The following RHPN2 variants were observed in gnomAD, a reference collection of about 807,000 sequenced individuals.
RHPN2 encodes the protein rhophilin-2.
RHPN2 carries 40 observed loss-of-function variants against 79.0 expected under a neutral mutation model. That is an observed-to-expected ratio of 0.51 (90% confidence interval 0.39 to 0.66). RHPN2 has a LOEUF of 0.66. Ranked by LOEUF, RHPN2 falls within the 30% of genes least tolerant of loss-of-function variation. RHPN2 has a pLI of 0.00. For missense variants in RHPN2, 686 were observed against 883.5 expected (o/e 0.78, Z 2.83); for synonymous variants, 285 against 363.5 (o/e 0.78, Z 2.46).
chr19:33,032,113 C>A (rs1972018421), intron 2 of RHPN2, among the ~76,000 whole-genome samples: 1 of 149,934 alleles, frequency 6.7e-6, no homozygotes, highest in Admixed American at 6.6e-5. Context: ...CTCCACCTCC[C>A]AGGTTCAAGC....
intron 1 of RHPN2, among the ~76,000 whole-genome samples, chr19:33,058,259 G>C (rs1048401174): frequency 6.6e-6 from 1 of 152,218 alleles, no homozygotes; most frequent in African/African-American, 2.4e-5. Context: ...TCCAGGAAAC[G>C]AGACCTGCTG....
chr19:33,055,718 A>T (rs2145271702), intron 1 of RHPN2, among the ~76,000 whole-genome samples: 1 of 143,262 alleles, frequency 7.0e-6, no homozygotes, highest in African/African-American at 2.7e-5. Context: ...AGAAGACTGC[A>T]AGGAGCTTCT....
intron 1 of RHPN2, among the ~76,000 whole-genome samples, chr19:33,051,359 G>C (rs1255170125): frequency 6.6e-6 from 1 of 152,170 alleles, no homozygotes; most frequent in Non-Finnish European, 1.5e-5. Flanking sequence ...TCACCTGTAA[G>C]ACACGTATTT....
chr19:32,990,514 C>G lies in RHPN2; in HGVS notation c.1800G>C (p.Met600Ile). 2 of 1,613,774 alleles carry G rather than the reference C, an allele frequency of 1.2e-6. No individual in the cohort carries two copies. Among genetic ancestry groups the G allele is most frequent in the Non-Finnish European group, 1.7e-6 (2 of 1,179,838 alleles). Reference sequence around the variant, plus strand: ...TGCCCAGGGAGGTGTCAGCGCTCACCATGGATGATGTGGAGTCCAGGAGGC... The same window carrying G: ...TGCCCAGGGAGGTGTCAGCGCTCACGATGGATGATGTGGAGTCCAGGAGGC... ...VVSLLDSTSS[M>I]HNKSATYSVG... Residue 600 changes from methionine to isoleucine, a missense_variant and splice_region_variant, in exon 14 of 15, where the codon ATG becomes ATC. Met to Ile is a conservative substitution (Grantham distance 10, BLOSUM62 1). Coordinates refer to ENST00000254260, the MANE Select transcript of RHPN2 (RefSeq NM_033103.5).
At chr19:33,042,004 G>A (rs1972104160) in intron 2 of RHPN2, among the ~76,000 whole-genome samples, 1 of 151,946 alleles carries the variant, frequency 6.6e-6, no homozygotes, top group Non-Finnish European at 1.5e-5. Context: ...GCAACACGGT[G>A]AAACCCTGTC....
At chr19:33,047,510 G>A (rs549304860) in intron 1 of RHPN2, among the ~76,000 whole-genome samples, 5 of 152,198 alleles carry the variant, frequency 3.3e-5, no homozygotes, top group East Asian at 3.9e-4. Context: ...CCTCTTTGCC[G>A]CTTATCTCTA....
chr19:33,036,878 G>GGGCCCCCCCCCCC (rs1972061925), intron 2 of RHPN2, among the ~76,000 whole-genome samples: 1 of 148,556 alleles, frequency 6.7e-6, no homozygotes, highest in African/African-American at 2.6e-5. Flanking sequence ...GAGCCCCCCC[G>GGGCCCCCCCCCCC]CCACCCTCTG....
At chr19:32,986,310 G>A (rs1326452607) in intron 14 of RHPN2, among the ~76,000 whole-genome samples, 1 of 152,192 alleles carries the variant, frequency 6.6e-6, no homozygotes, top group Non-Finnish European at 1.5e-5. Flanking sequence ...TGCTGATGGG[G>A]TCCCTACTCC....
At chr19:32,996,954 G>A (rs188154913) in intron 10 of RHPN2, among the ~76,000 whole-genome samples, 1 of 152,188 alleles carries the variant, frequency 6.6e-6, no homozygotes, top group Admixed American at 6.5e-5. Flanking sequence ...GGAGTACAGT[G>A]GTGCAATCAT....
At chr19:33,046,904 G>C (rs1972147325) in intron 1 of RHPN2, among the ~76,000 whole-genome samples, 1 of 151,890 alleles carries the variant, frequency 6.6e-6, no homozygotes, top group Non-Finnish European at 1.5e-5. Context: ...ACCCAGACTG[G>C]ACTGCTGCAG....
At chr19:33,046,329 G>C (rs930302897) in intron 1 of RHPN2, among the ~76,000 whole-genome samples, 1 of 151,938 alleles carries the variant, frequency 6.6e-6, no homozygotes, top group African/African-American at 2.4e-5. Context: ...GCAGTGGCTC[G>C]ATCTCGGCTC....
At chr19:33,007,854 C>T (rs994521333) in intron 7 of RHPN2, among the ~76,000 whole-genome samples, 160 bp downstream of exon 7, 41 of 151,888 alleles carry the variant, frequency 2.7e-4, no homozygotes, top group African/African-American at 9.7e-4. Context: ...TGAGCCACCG[C>T]GCCCGGCCGG....
intron 1 of RHPN2, among the ~76,000 whole-genome samples, chr19:33,053,045 C>T (rs1372176295): frequency 1.3e-5 from 2 of 150,386 alleles, no homozygotes; most frequent in Non-Finnish European, 3.0e-5. Flanking sequence ...GATCTCGGCT[C>T]ACTGCAACCT....
chr19:33,003,986 G>A (rs1971771218), intron 7 of RHPN2, among the ~76,000 whole-genome samples: 1 of 152,088 alleles, frequency 6.6e-6, no homozygotes, highest in Admixed American at 6.6e-5. Flanking sequence ...ACCAGCCTGG[G>A]CAACGTACTG....
At chr19:32,994,612 C>G (rs1971686606) in intron 11 of RHPN2, among the ~76,000 whole-genome samples, 1 of 152,064 alleles carries the variant, frequency 6.6e-6, no homozygotes, top group Non-Finnish European at 1.5e-5. Flanking sequence ...AGACACATTC[C>G]CATGGGGTTT....
rs1321434971 is a variant in RHPN2 at position 33,002,418 on chromosome 19, A to G, written c.949-15T>C. On this transcript the variant is annotated splice_polypyrimidine_tract_variant and intron_variant, in intron 8 of 14. Coordinates refer to ENST00000254260, the MANE Select transcript of RHPN2 (RefSeq NM_033103.5). ...ACCTCTCCCACCTGAAATAGAAGGG[A>G]CACTGGGAAGGGGCAGCCCGGCACA... 40 of 1,613,672 alleles carry G rather than the reference A, an allele frequency of 2.5e-5. No homozygotes were observed. Among genetic ancestry groups the G allele is most frequent in the Non-Finnish European group, 3.4e-5 (40 of 1,179,820 alleles).
chr19:33,025,583 A>T (rs1204009409), intron 3 of RHPN2, among the ~76,000 whole-genome samples: 1 of 152,210 alleles, frequency 6.6e-6, no homozygotes, highest in Non-Finnish European at 1.5e-5. Context: ...AACAGACTGC[A>T]GTCCAACGTA....
intron 14 of RHPN2, among the ~76,000 whole-genome samples, chr19:32,985,700 C>T (rs1373969616): frequency 3.9e-5 from 6 of 152,182 alleles, no homozygotes; most frequent in African/African-American, 1.4e-4. Context: ...GGCTCGATCT[C>T]GGCTCACTGC....
At chr19:33,047,891 A>G (rs923222909) in intron 1 of RHPN2, among the ~76,000 whole-genome samples, 2 of 152,050 alleles carry the variant, frequency 1.3e-5, no homozygotes, top group Admixed American at 1.3e-4. Flanking sequence ...CAGCCTGGAT[A>G]ACAGAGTGAG....
Sources: allele counts gnomAD v4.1 joint callset (sites outside exome capture counted in the v4.1 genomes callset), GRCh38; gene constraint gnomAD v4.1.1; transcripts MANE v1.5; gene names NCBI Gene and HGNC (gene_info 2026-07-23, HGNC 2026-07-21).